Variants in ASAP1 observed in about 807,000 individuals in gnomAD.
ASAP1 encodes the protein arf-GAP with SH3 domain, ANK repeat and PH domain-containing protein 1.
A neutral mutation model predicts 145.2 loss-of-function variants in ASAP1; 43 were observed. That is an observed-to-expected ratio of 0.30 (90% CI 0.23 to 0.38). ASAP1 has a LOEUF of 0.38. Ranked by LOEUF, ASAP1 falls within the 10% of genes least tolerant of loss-of-function variation. The pLI is 1.00. For missense variants in ASAP1, 1,018 were observed against 1,355.3 expected, an observed-to-expected ratio of 0.75 and a Z score of 3.91; for synonymous variants, 546 against 515.5, an observed-to-expected ratio of 1.06 and a Z score of -0.80.
At chr8:130,434,537 A>G (rs767957739) in intron 1 of ASAP1, among the ~76,000 whole-genome samples, 7 of 152,142 alleles carry the variant, frequency 4.6e-5, no homozygotes, top group Non-Finnish European at 7.3e-5. Context: ...GCAATACATA[A>G]TAGCTATCAC....
At chr8:130,320,914 G>A (rs1246827119) in intron 3 of ASAP1, among the ~76,000 whole-genome samples, 1 of 152,098 alleles carries the variant, frequency 6.6e-6, no homozygotes, top group East Asian at 1.9e-4. Flanking sequence ...AAAGACATCA[G>A]GAACAATAAA....
intron 3 of ASAP1, among the ~76,000 whole-genome samples, chr8:130,324,742 G>C (rs1156267817): frequency 6.6e-6 from 1 of 152,108 alleles, no homozygotes; most frequent in Non-Finnish European, 1.5e-5. Context: ...AACTTCATCT[G>C]TTTTACCCAG....
At chr8:130,086,617 A>C (rs991405876) in intron 25 of ASAP1, among the ~76,000 whole-genome samples, 4 of 152,186 alleles carry the variant, frequency 2.6e-5, no homozygotes, top group African/African-American at 9.7e-5. Flanking sequence ...CAGCCTGGGC[A>C]ATATGGTGAA....
At chr8:130,159,674 G>A (rs1441164972) in intron 12 of ASAP1, among the ~76,000 whole-genome samples, 190 bp downstream of exon 12, 2 of 152,082 alleles carry the variant, frequency 1.3e-5, no homozygotes, top group African/African-American at 4.8e-5. Context: ...GCCATTTAGG[G>A]ACCACAGAGC....
At chr8:130,236,899 C>A (rs775399000) in intron 4 of ASAP1, 23 bp downstream of exon 4, 1 of 1,476,436 alleles carries the variant, frequency 6.8e-7, no homozygotes, top group Middle Eastern at 2.4e-4. Context: ...ATTCATGTTA[C>A]CTCATTTTTA....
At chr8:130,331,512 C>T (rs1279203759) in intron 3 of ASAP1, among the ~76,000 whole-genome samples, 2 of 152,182 alleles carry the variant, frequency 1.3e-5, no homozygotes, top group Non-Finnish European at 2.9e-5. Flanking sequence ...TGGAATCTGG[C>T]AGGCATGAAA....
At chr8:130,279,880 T>C (rs1361353177) in intron 3 of ASAP1, among the ~76,000 whole-genome samples, 3 of 152,192 alleles carry the variant, frequency 2.0e-5, no homozygotes, top group Admixed American at 2.0e-4. Flanking sequence ...TTGCCTCTCT[T>C]GAACCAATAA....
At chr8:130,188,610 T>C (rs998337815) in intron 5 of ASAP1, among the ~76,000 whole-genome samples, 2 of 150,754 alleles carry the variant, frequency 1.3e-5, no homozygotes, top group Non-Finnish European at 2.9e-5. Flanking sequence ...GGTCTACAAC[T>C]GTAGTTCCAG....
At chr8:130,091,310 G>T (rs1371141701) in intron 25 of ASAP1, among the ~76,000 whole-genome samples, 4 of 152,304 alleles carry the variant, frequency 2.6e-5, no homozygotes, top group African/African-American at 9.6e-5. Context: ...GGAGGAAGCT[G>T]CGTTGGAGGG....
At chr8:130,082,711 CTAA>C (rs2097483744) in intron 25 of ASAP1, 1 of 117,462 alleles carries the variant, frequency 8.5e-6, no homozygotes, top group Non-Finnish European at 1.7e-5. Flanking sequence ...GGTCTCATTA[CTAA>C]TTTTTTTTTT....
At chr8:130,223,208 T>G (rs1440664179) in intron 4 of ASAP1, among the ~76,000 whole-genome samples, 1 of 152,104 alleles carries the variant, frequency 6.6e-6, no homozygotes, top group Non-Finnish European at 1.5e-5. Flanking sequence ...TGAGGAGCAT[T>G]CCAAACCACA....
chr8:130,231,658 A>G (rs1160128609), intron 4 of ASAP1, among the ~76,000 whole-genome samples: 3 of 152,238 alleles, frequency 2.0e-5, no homozygotes, highest in African/African-American at 7.2e-5. Context: ...GTATACCTGT[A>G]CCTGTGTTGT....
At chr8:130,373,015 CACACAG>C (rs143964506) in intron 2 of ASAP1, among the ~76,000 whole-genome samples, 14,144 of 121,800 alleles carry the variant, frequency 0.12, 841 homozygotes, top group South Asian at 0.3. Flanking sequence ...GACACACATA[CACACAG>C]ACACACACAC....
chr8:130,375,701 C>T (rs1035193377), intron 2 of ASAP1, among the ~76,000 whole-genome samples: 1 of 152,212 alleles, frequency 6.6e-6, no homozygotes, highest in African/African-American at 2.4e-5. Context: ...CTTCACTCAA[C>T]CTCTACTCCT....
chr8:130,076,282 C>G, intron 27 of ASAP1, 66 bp downstream of exon 27: 1 of 1,222,302 alleles, frequency 8.2e-7, no homozygotes, highest in Non-Finnish European at 1.2e-6. Flanking sequence ...AGATAAAAAC[C>G]TTGGGCCCCT....
At chr8:130,404,809 T>C (rs1276060059) in intron 1 of ASAP1, among the ~76,000 whole-genome samples, 2 of 152,230 alleles carry the variant, frequency 1.3e-5, no homozygotes. Context: ...GCCAATGGAA[T>C]GTGGCTAGAA....
chr8:130,373,105 T>TACAC (rs200531646), intron 2 of ASAP1, among the ~76,000 whole-genome samples: 51 of 18,460 alleles, frequency 2.8e-3, no homozygotes, highest in Admixed American at 8.1e-3. Flanking sequence ...CACACAGAAA[T>TACAC]ACATATACAC....
At chr8:130,090,257 C>A in intron 25 of ASAP1, among the ~76,000 whole-genome samples, 1 of 147,150 alleles carries the variant, frequency 6.8e-6, no homozygotes, top group East Asian at 1.9e-4. Flanking sequence ...GCACTTCAAA[C>A]CTTAAGAAAT....
chr8:130,184,795 T>C (rs113934865), intron 7 of ASAP1, among the ~76,000 whole-genome samples: 7 of 152,228 alleles, frequency 4.6e-5, no homozygotes, highest in African/African-American at 1.7e-4. Flanking sequence ...CTATTTATTG[T>C]GTGACTTCCC....
Sources: gnomAD v4.1 joint callset for allele counts (sites outside exome capture counted in the v4.1 genomes callset) on GRCh38, gnomAD v4.1.1 for gene constraint, MANE v1.5 for transcripts, NCBI Gene and HGNC (gene_info 2026-07-23, HGNC 2026-07-21) for gene names.